Variants in SIN3A observed in about 807,000 individuals in gnomAD.
SIN3A encodes SIN3 transcription regulator family member A, also known as paired amphipathic helix protein Sin3a.
In SIN3A, 14 loss-of-function variants were observed where a neutral mutation model predicts 146.1. The ratio of observed to expected loss-of-function variants is 0.10; its 90% CI spans 0.06 to 0.15. The LOEUF is 0.15. Among genes scored for constraint, SIN3A ranks in the 10% least tolerant of loss-of-function variants. SIN3A has a pLI of 1.00. For synonymous variants in SIN3A, 572 were observed against 572.0 expected, an observed-to-expected ratio of 1.00 and a Z score of 0.00; for missense variants, 1,028 against 1,576.0, an observed-to-expected ratio of 0.65 and a Z score of 5.89.
chr15:75,443,297 T>C (rs1265783532), intron 1 of SIN3A, among the ~76,000 whole-genome samples: 1 of 152,226 alleles, frequency 6.6e-6, no homozygotes, highest in African/African-American at 2.4e-5. Flanking sequence ...ATATGTCCAA[T>C]GAAAGCTTAA....
chr15:75,415,228 G>T (rs561270359), intron 3 of SIN3A: 2 of 152,366 alleles, frequency 1.3e-5, no homozygotes, highest in South Asian at 2.1e-4. Context: ...ACAACAGAGA[G>T]AACTGCATAG....
chr15:75,424,052 GT>G (rs917643240), intron 2 of SIN3A, among the ~76,000 whole-genome samples: 1 of 152,044 alleles, frequency 6.6e-6, no homozygotes, highest in Non-Finnish European at 1.5e-5. Context: ...TAAAGGATGA[GT>G]TTTTTTCTTA....
At chr15:75,400,659 C>T in intron 11 of SIN3A, 71 bp downstream of exon 11, 2 of 1,060,452 alleles carry the variant, frequency 1.9e-6, no homozygotes, top group South Asian at 2.8e-5. Context: ...AATTCTCAAT[C>T]CTTGGTACCA....
intron 16 of SIN3A, among the ~76,000 whole-genome samples, chr15:75,385,886 T>C (rs2073066678): frequency 6.6e-6 from 1 of 152,174 alleles, no homozygotes. Context: ...AGGATTCTGA[T>C]ACAACCATTA....
chr15:75,373,708 G>A (rs1046605551), intron 20 of SIN3A, among the ~76,000 whole-genome samples: 1 of 150,710 alleles, frequency 6.6e-6, no homozygotes, highest in Non-Finnish European at 1.5e-5. Flanking sequence ...CCTTGAGTTT[G>A]AGACCAGCCC....
chr15:75,451,082 C>A (rs1021737840), intron 1 of SIN3A, among the ~76,000 whole-genome samples: 14 of 151,502 alleles, frequency 9.2e-5, no homozygotes, highest in African/African-American at 3.4e-4. Flanking sequence ...CCGCCCACCC[C>A]AGGAGGAGGG....
At chr15:75,394,334 A>G (rs1198259656) in intron 14 of SIN3A, among the ~76,000 whole-genome samples, 1 of 152,210 alleles carries the variant, frequency 6.6e-6, no homozygotes, top group African/African-American at 2.4e-5. Context: ...TTGGTGGTCA[A>G]TGACAAATTT....
intron 17 of SIN3A, among the ~76,000 whole-genome samples, chr15:75,382,556 C>A (rs2072992068): frequency 1.3e-5 from 2 of 152,030 alleles, no homozygotes; most frequent in Admixed American, 1.3e-4. Flanking sequence ...AAATGTCCAC[C>A]AATACAGGCA....
rs747700571 is a variant in SIN3A at position 75,409,864 on chromosome 15, T to C, written c.1289A>G (p.His430Arg). 1.2e-6 allele frequency: 2 copies of C among 1,613,078 alleles called. No individual in the cohort carries two copies. Among genetic ancestry groups the C allele is most frequent in the Non-Finnish European group, 8.5e-7 (1 of 1,179,990 alleles). The change falls in exon 8 of 21, where the codon CAT becomes CGT. Residue 430 changes from histidine to arginine, a missense_variant. Transcript: ENST00000394947. ...PSQNGCQIRR[H>R]PTGTTPPVKK... The stretch of plus-strand genomic sequence containing the variant: ...AACTGGAGGGGTGGTTCCTGTAGGA[T>C]GTCTGCGGATCTGGCAGCCATTCTG...
chr15:75,384,168 C>G lies in SIN3A; in HGVS notation c.3195+96G>C, dbSNP rs114732041. The G allele has an allele frequency of 6.1e-4, 579 of 948,244 alleles. 1 individual carries two copies. The African/African-American group carries it at 7.3e-3, about 12-fold the overall frequency. 58.7% of individuals were successfully genotyped at this position (948,244 alleles called of 1,614,324 possible). On this transcript the variant is annotated intron_variant, in intron 17 of 20. Coordinates refer to ENST00000394947, the MANE Select transcript of SIN3A (RefSeq NM_001145358.2). ...ATTAAAAGGTCCAGGAGTAGAATCA[C>G]AGGTCAAAGTACCCCGGCTTTAACT...
At chr15:75,410,043 T>C (rs368281474) in intron 7 of SIN3A, 52 bp from the exon 8 acceptor site, 5 of 1,607,568 alleles carry the variant, frequency 3.1e-6, no homozygotes, top group African/African-American at 1.3e-5. Context: ...CAAACAAATA[T>C]CATCTAGGAA....
At chr15:75,403,359 G>A (rs935009817) in intron 9 of SIN3A, among the ~76,000 whole-genome samples, 4 of 151,602 alleles carry the variant, frequency 2.6e-5, no homozygotes, top group African/African-American at 7.3e-5. Context: ...GAACCCAGGA[G>A]GCAGAGGTTG....
In SIN3A at chr15:75,401,963, T is replaced by A; in HGVS notation, c.1415A>T (p.Lys472Met). ...GTAGGCTTCTGCACTCCGAAGAGCCTTTCGGACCTTATGGAGACAACGGGA... is the reference window on the plus strand; with the variant it reads ...GTAGGCTTCTGCACTCCGAAGAGCCATTCGGACCTTATGGAGACAACGGGA... The part of the protein sequence containing the change: ...TESLFFDKVR[K>M]ALRSAEAYEN... Residue 472 changes from lysine to methionine, a missense_variant, in exon 10 of 21, where the codon AAG becomes ATG. By Grantham distance (95) the Lys-to-Met change is moderately conservative. Coordinates refer to ENST00000394947, the MANE Select transcript of SIN3A (RefSeq NM_001145358.2). 2 of 1,601,202 alleles carry A rather than the reference T, an allele frequency of 1.2e-6. No homozygotes were observed. The highest frequency in any genetic ancestry group is 1.7e-6 in the Non-Finnish European group (2 of 1,169,330).
chr15:75,383,225 T>C (rs533411699), intron 17 of SIN3A, among the ~76,000 whole-genome samples: 1 of 150,708 alleles, frequency 6.6e-6, no homozygotes, highest in Non-Finnish European at 1.5e-5. Context: ...TGAACCAAGA[T>C]TGCGCCACTG....
Position 75,376,209 on chromosome 15 carries a change from T to A in SIN3A, c.3384-337A>T, listed in dbSNP as rs2072852611. The A allele has an allele frequency of 1.6e-5, 5 of 317,308 alleles. No individual in the cohort carries two copies. The South Asian group carries it at 2.0e-4, about 13-fold the overall frequency. 19.7% of individuals were successfully genotyped at this position (317,308 alleles called of 1,614,324 possible). A position where few individuals can be genotyped will look rare whatever the true frequency, so the allele number is the denominator to read the frequency against. On this transcript the variant is annotated intron_variant, in intron 19 of 20. Transcript: ENST00000394947. ...GATTTGTTTTTAAGACAAAATAGGA[T>A]CATACTATATATTTTGTCCTCAACT...
At chr15:75,402,515 C>T (rs143165132) in intron 9 of SIN3A, among the ~76,000 whole-genome samples, 266 of 151,900 alleles carry the variant, frequency 1.8e-3, no homozygotes, top group African/African-American at 6.1e-3. Flanking sequence ...AAGACTCTGT[C>T]TCATAAGTAA....
chr15:75,404,067 A>G (rs1432904599), intron 9 of SIN3A, among the ~76,000 whole-genome samples: 1 of 152,242 alleles, frequency 6.6e-6, no homozygotes, highest in Non-Finnish European at 1.5e-5. Flanking sequence ...CTGGAGTTTC[A>G]GTTCCAAAAT....
intron 3 of SIN3A, chr15:75,422,241 T>C (rs915462661): frequency 3.7e-6 from 1 of 271,494 alleles, no homozygotes; most frequent in East Asian, 6.6e-5. Flanking sequence ...AAAAAAAAAA[T>C]TTTTAAGAAT....
intron 1 of SIN3A, among the ~76,000 whole-genome samples, chr15:75,451,058 G>A (rs2074396678): frequency 8.2e-6 from 1 of 122,678 alleles, no homozygotes; most frequent in African/African-American, 3.1e-5. Flanking sequence ...GAGCGCGGCC[G>A]CCAGCCCGAG....
Sources: gnomAD v4.1 joint callset for allele counts (sites outside exome capture counted in the v4.1 genomes callset) on GRCh38, gnomAD v4.1.1 for gene constraint, MANE v1.5 for transcripts, NCBI Gene and HGNC (gene_info 2026-07-23, HGNC 2026-07-21) for gene names.